Variants in CD163L1 observed in about 807,000 individuals in gnomAD.
The protein encoded by CD163L1 is scavenger receptor cysteine-rich type 1 protein M160.
In CD163L1, 124 loss-of-function variants were observed where a neutral mutation model predicts 165.4. The observed-to-expected ratio is 0.75, with a 90% CI of 0.65 to 0.87. The LOEUF (loss-of-function observed/expected upper bound fraction) is 0.87. Among genes scored for constraint, CD163L1 ranks in the 40% least tolerant of loss-of-function variants. The probability of loss-of-function intolerance (pLI) is 0.00; values close to 1 mark genes in which losing one functional copy is unlikely to be tolerated. For missense variants in CD163L1, 1,525 were observed against 1,799.9 expected (o/e 0.85, Z 2.76); for synonymous variants, 585 against 662.2 (o/e 0.88, Z 1.79).
the CD163L1 span, among the ~76,000 whole-genome samples, chr12:7,327,950 C>T: frequency 6.6e-6 from 1 of 152,112 alleles, no homozygotes; most frequent in Admixed American, 6.5e-5. Context: ...AAGACAAGAA[C>T]TGTTCTTTTT....
intron 4 of CD163L1, among the ~76,000 whole-genome samples, chr12:7,407,610 A>G (rs956915971): frequency 4.0e-5 from 6 of 151,740 alleles, no homozygotes; most frequent in Non-Finnish European, 5.9e-5. Context: ...ATATAAAGAA[A>G]TAAGGAAATA....
At chr12:7,362,705 T>C (rs7485732) in intron 18 of CD163L1, among the ~76,000 whole-genome samples, 9,003 of 146,662 alleles carry the variant, frequency 0.061, 371 homozygotes, top group East Asian at 0.17. Context: ...CTATAACATA[T>C]AATATTAATA....
In CD163L1 at chr12:7,369,378, C is replaced by A. The variant is rs1168353589; in HGVS notation, c.4018G>T (p.Asp1340Tyr). The change falls in exon 15 of 20, where the codon GAT becomes TAT. Residue 1340 changes from aspartate (D) to tyrosine (Y), a missense_variant. Physicochemically the swap from Asp to Tyr is radical, Grantham distance 160 (BLOSUM62 -3). Coordinates refer to ENST00000313599, the MANE Select transcript of CD163L1 (RefSeq NM_174941.6). The surrounding 1 kb of genome is among the most constrained non-coding windows in gnomAD (Gnocchi z 4.9). ...WGQSDCGHKE[D>Y]AGVRCSGQSL... Reference sequence around the variant, plus strand: ...TTACCAGAGCACCTCACGCCAGCATCTTCCTTGTGTCCACAGTCACTCTGT... The same window carrying A: ...TTACCAGAGCACCTCACGCCAGCATATTCCTTGTGTCCACAGTCACTCTGT... 2 of 1,614,044 alleles carry A rather than the reference C, an allele frequency of 1.2e-6. No homozygotes were observed. Among genetic ancestry groups the A allele is most frequent in the African/African-American group, 2.7e-5 (2 of 74,930 alleles).
Position 7,368,375 on chromosome 12 carries a change from C to T in CD163L1, c.4073-178G>A, listed in dbSNP as rs1183450384. Among the ~76,000 whole-genome samples the T allele has an allele frequency of 1.3e-5, 2 of 152,134 alleles. No individual in the cohort carries two copies. The highest frequency in any genetic ancestry group is 4.8e-5 in the African/African-American group (2 of 41,444). On this transcript the variant is annotated intron_variant, in intron 16 of 19. Coordinates refer to ENST00000313599, the MANE Select transcript of CD163L1 (RefSeq NM_174941.6). The surrounding 1 kb of genome is among the most constrained non-coding windows in gnomAD (Gnocchi z 4.3). ...ATTTTAGATGAAAACTATCTTGGAA[C>T]AACTGAATCCAAATCTTTCCATAAT...
At chr12:7,392,983 T>C (rs1947689533) in intron 8 of CD163L1, among the ~76,000 whole-genome samples, 1 of 152,126 alleles carries the variant, frequency 6.6e-6, no homozygotes, top group South Asian at 2.1e-4. Context: ...AGCCGAATTC[T>C]ACCAGAGGTA....
At chr12:7,424,938 T>A (rs1006116826) in intron 4 of CD163L1, among the ~76,000 whole-genome samples, 2 of 152,090 alleles carry the variant, frequency 1.3e-5, no homozygotes, top group Non-Finnish European at 2.9e-5. Flanking sequence ...TCAATGCCAT[T>A]CCTATCAAGC....
At chr12:7,355,716 T>C (rs1946760160) in intron 19 of CD163L1, among the ~76,000 whole-genome samples, 1 of 152,134 alleles carries the variant, frequency 6.6e-6, no homozygotes, top group Admixed American at 6.6e-5. Flanking sequence ...TGAGGTCACA[T>C]GGGTGAGCCC....
downstream of CD163L1, among the ~76,000 whole-genome samples, chr12:7,354,158 G>C (rs1450660257): frequency 6.6e-6 from 1 of 151,986 alleles, no homozygotes; most frequent in East Asian, 1.9e-4. Flanking sequence ...AGCTTATTTA[G>C]GGTCTTAAAG....
In CD163L1 at chr12:7,372,874, C is replaced by G. The variant is rs1947173318; in HGVS notation, c.3730+446G>C. ...AATTTTAATCAAATAAGACAATTTA[C>G]AAGTGTCTTATAAATAATCAACTAA... On this transcript the variant is annotated intron_variant, in intron 14 of 19. Coordinates refer to ENST00000313599, the MANE Select transcript of CD163L1 (RefSeq NM_174941.6). The surrounding 1 kb of genome is among the most constrained non-coding windows in gnomAD (Gnocchi z 4.2). Among the ~76,000 whole-genome samples the G allele has an allele frequency of 6.6e-6, 1 of 151,992 alleles. No individual in the cohort carries two copies. The highest frequency in any genetic ancestry group is 1.5e-5 in the Non-Finnish European group (1 of 67,970).
At chr12:7,380,386 T>TATACGCGTATACATACATGTATGTGTGC (rs1330526657) in intron 8 of CD163L1, among the ~76,000 whole-genome samples, 1 of 141,408 alleles carries the variant, frequency 7.1e-6, no homozygotes, top group Non-Finnish European at 1.6e-5. Context: ...TGTATGTGTG[T>TATACGCGTATACATACATGTATGTGTGC]ATATGCGTAT....
At chr12:7,413,091 C>CAAAAAA (rs111943372) in intron 4 of CD163L1, among the ~76,000 whole-genome samples, 15 of 39,520 alleles carry the variant, frequency 3.8e-4, no homozygotes, top group African/African-American at 1.1e-3. Context: ...GACTCCATCT[C>CAAAAAA]AAAAAAAAAA....
At chr12:7,392,098 C>A (rs760049708) in intron 8 of CD163L1, among the ~76,000 whole-genome samples, 3 of 152,148 alleles carry the variant, frequency 2.0e-5, no homozygotes, top group Non-Finnish European at 4.4e-5. Flanking sequence ...CAGAACTCTC[C>A]ACAGCAAATC....
At chr12:7,362,352 TATAA>T (rs1399717159) in intron 18 of CD163L1, among the ~76,000 whole-genome samples, 1 of 137,826 alleles carries the variant, frequency 7.3e-6, no homozygotes, top group African/African-American at 2.7e-5. Flanking sequence ...TATATTATAA[TATAA>T]ATATATTAAA....
intron 8 of CD163L1, among the ~76,000 whole-genome samples, chr12:7,387,993 A>G (rs955685894): frequency 7.2e-5 from 11 of 152,176 alleles, no homozygotes; most frequent in Non-Finnish European, 1.2e-4. Context: ...TAGCTGACTG[A>G]TTTTTGACAA....
intron 2 of CD163L1, among the ~76,000 whole-genome samples, chr12:7,434,021 A>C (rs1471474228): frequency 6.6e-6 from 1 of 152,228 alleles, no homozygotes; most frequent in Non-Finnish European, 1.5e-5. Flanking sequence ...AATGAAAGAA[A>C]GTCCCTTGGC....
Position 7,369,721 on chromosome 12 carries a change from G to A in CD163L1, c.3731-56C>T. On this transcript the variant is annotated intron_variant, in intron 14 of 19. Transcript: ENST00000313599. The surrounding 1 kb of genome is among the most constrained non-coding windows in gnomAD (Gnocchi z 4.9). ...CTCCTGAAGGAGGTTGTGGGAGAAT[G>A]CTGAGGTAGAAAAACTTGAAAGTAG... 1.3e-6 allele frequency: 2 copies of A among 1,517,792 alleles called. No individual in the cohort carries two copies. Among genetic ancestry groups the A allele is most frequent in the African/African-American group, 1.4e-5 (1 of 72,598 alleles). 94.0% of individuals were successfully genotyped at this position (1,517,792 alleles called of 1,614,324 possible).
intron 8 of CD163L1, among the ~76,000 whole-genome samples, chr12:7,383,463 G>A (rs1308292949): frequency 6.6e-6 from 1 of 152,104 alleles, no homozygotes; most frequent in Admixed American, 6.5e-5. Flanking sequence ...ACTCAATGCT[G>A]CCACTGCTGG....
At chr12:7,385,720 T>G (rs1208340934) in intron 8 of CD163L1, among the ~76,000 whole-genome samples, 3 of 151,844 alleles carry the variant, frequency 2.0e-5, no homozygotes, top group Non-Finnish European at 4.4e-5. Context: ...TTGGAAACTG[T>G]AAAAATACAT....
At chr12:7,410,070 A>G (rs1185500330) in intron 4 of CD163L1, among the ~76,000 whole-genome samples, 4 of 152,122 alleles carry the variant, frequency 2.6e-5, no homozygotes, top group Admixed American at 1.3e-4. Context: ...AAACCAAATG[A>G]AGGTTCTAGA....
Sources: gnomAD v4.1 joint callset for allele counts (sites outside exome capture counted in the v4.1 genomes callset) on GRCh38, gnomAD v4.1.1 for gene constraint, Gnocchi (gnomAD v3.1) non-coding constraint, MANE v1.5 for transcripts, NCBI Gene and HGNC (gene_info 2026-07-23, HGNC 2026-07-21) for gene names.